CNBD1: variants seen among roughly 807,000 people sequenced by gnomAD.
CNBD1 encodes cyclic nucleotide-binding domain-containing protein 1.
Under a neutral mutation model 54.4 loss-of-function variants are expected in CNBD1, and 71 were observed. That is an observed-to-expected ratio of 1.30 (90% CI 1.08 to 1.59). CNBD1 has a LOEUF of 1.59. Among genes scored for constraint, CNBD1 ranks in the 40% most tolerant of loss-of-function variants. The pLI, the probability that CNBD1 is intolerant of heterozygous loss-of-function variation, is 0.00. For synonymous variants in CNBD1, 182 were observed against 170.7 expected (o/e 1.07, Z -0.51); for missense variants, 659 against 518.0 (o/e 1.27, Z -2.64).
intron 4 of CNBD1, 65 bp from the exon 5 acceptor site, chr8:87,205,928 G>T: frequency 8.1e-7 from 1 of 1,233,384 alleles, no homozygotes; most frequent in South Asian, 2.3e-5. Flanking sequence ...TAAAAATTAA[G>T]GATCTGTTTG....
intron 4 of CNBD1, among the ~76,000 whole-genome samples, chr8:87,183,839 C>A (rs1476399028): frequency 6.6e-6 from 1 of 152,156 alleles, no homozygotes; most frequent in Non-Finnish European, 1.5e-5. Flanking sequence ...ATGCTCTAAC[C>A]CTGGGGGCAC....
At chr8:87,070,898 T>A (rs1252900006) in intron 4 of CNBD1, among the ~76,000 whole-genome samples, 1 of 152,116 alleles carries the variant, frequency 6.6e-6, no homozygotes. Context: ...AGCACATCCC[T>A]AGTTTTTATT....
At chr8:87,238,242 G>A (rs1190486333) in intron 6 of CNBD1, among the ~76,000 whole-genome samples, 1 of 152,064 alleles carries the variant, frequency 6.6e-6, no homozygotes, top group Non-Finnish European at 1.5e-5. Flanking sequence ...GTAGAGAGAA[G>A]TTTCAGAGGC....
chr8:86,921,552 T>G (rs1342239780), intron 3 of CNBD1, among the ~76,000 whole-genome samples: 1 of 152,192 alleles, frequency 6.6e-6, no homozygotes, highest in Non-Finnish European at 1.5e-5. Context: ...GGAGGCCTCA[T>G]GATCATGGTG....
At chr8:87,201,216 A>G (rs1030959456) in intron 4 of CNBD1, among the ~76,000 whole-genome samples, 1 of 152,192 alleles carries the variant, frequency 6.6e-6, no homozygotes, top group East Asian at 1.9e-4. Flanking sequence ...AGTACTCAAC[A>G]TAATAAGAAC....
Position 87,388,771 on chromosome 8 carries a change from T to C in CNBD1, c.213+34985T>C, listed in dbSNP as rs148541032. ...TTTTATGAGGCCTACATTATCCTGA[T>C]ACCAAAGCCGGGCAGAGACACAACA... On this transcript the variant is annotated intron_variant, in intron 2 of 7. Coordinates refer to the CNBD1 transcript ENST00000521593. Among the ~76,000 whole-genome samples, 460 of 152,300 alleles carry C rather than the reference T, an allele frequency of 3.0e-3. 5 individuals are homozygous for C. Among genetic ancestry groups the C allele is most frequent in the African/African-American group, 9.9e-3 (413 of 41,564 alleles).
At chr8:87,179,407 T>C (rs1415486199) in intron 4 of CNBD1, among the ~76,000 whole-genome samples, 3 of 152,170 alleles carry the variant, frequency 2.0e-5, no homozygotes. Context: ...TTATTTTAAA[T>C]GGCTGTCTAA....
chr8:86,920,414 C>A (rs370632094), intron 3 of CNBD1, among the ~76,000 whole-genome samples: 10 of 152,238 alleles, frequency 6.6e-5, no homozygotes, highest in South Asian at 6.2e-4. Context: ...TTTGTAAAAT[C>A]ATTTTCTCTT....
intron 4 of CNBD1, among the ~76,000 whole-genome samples, chr8:87,127,119 T>C (rs1195568545): frequency 6.6e-6 from 1 of 152,006 alleles, no homozygotes; most frequent in Non-Finnish European, 1.5e-5. Context: ...GCTCTTATTT[T>C]TCAAAATCAT....
At chr8:87,172,641 C>G (rs570738872) in intron 4 of CNBD1, among the ~76,000 whole-genome samples, 1 of 151,972 alleles carries the variant, frequency 6.6e-6, no homozygotes, top group East Asian at 1.9e-4. Flanking sequence ...TTCTTTGTCT[C>G]TTGTATTTTT....
intron 4 of CNBD1, among the ~76,000 whole-genome samples, chr8:87,028,706 G>T (rs1374211554): frequency 6.6e-6 from 1 of 152,202 alleles, no homozygotes; most frequent in African/African-American, 2.4e-5. Context: ...TCATTGTCTG[G>T]ATGTGGTGAT....
intron 4 of CNBD1, among the ~76,000 whole-genome samples, chr8:86,983,652 T>C (rs1352279420): frequency 6.6e-6 from 1 of 152,162 alleles, no homozygotes; most frequent in African/African-American, 2.4e-5. Context: ...AAGACAACTC[T>C]TGTTATGTTT....
At chr8:87,173,528 T>C (rs1488035960) in intron 4 of CNBD1, among the ~76,000 whole-genome samples, 1 of 152,228 alleles carries the variant, frequency 6.6e-6, no homozygotes, top group African/African-American at 2.4e-5. Flanking sequence ...TTCTCTGTCA[T>C]GTTTGAAGGA....
chr8:87,266,538 G>A (rs944409760), intron 6 of CNBD1, among the ~76,000 whole-genome samples: 5 of 120,910 alleles, frequency 4.1e-5, no homozygotes, highest in East Asian at 5.8e-4. Flanking sequence ...TGCAACCTCC[G>A]CCTCCCAGGT....
chr8:87,361,303 A>T (rs1303191302), intron 10 of CNBD1, among the ~76,000 whole-genome samples: 7 of 151,948 alleles, frequency 4.6e-5, no homozygotes, highest in Admixed American at 4.6e-4. Flanking sequence ...GGAAAAAATA[A>T]TATTTTATTT....
intron 5 of CNBD1, among the ~76,000 whole-genome samples, chr8:87,215,157 T>C (rs1025151486): frequency 6.6e-6 from 1 of 152,100 alleles, no homozygotes; most frequent in Admixed American, 6.6e-5. Flanking sequence ...GTGAAAAAAG[T>C]GATGAACTAC....
chr8:86,991,914 C>A (rs1808758193), intron 4 of CNBD1, among the ~76,000 whole-genome samples: 1 of 152,054 alleles, frequency 6.6e-6, no homozygotes, highest in Non-Finnish European at 1.5e-5. Context: ...TTTATTGAGA[C>A]TTGCTTTATG....
chr8:87,390,534 T>C (rs1370708474), intron 2 of CNBD1, among the ~76,000 whole-genome samples: 6 of 152,036 alleles, frequency 3.9e-5, no homozygotes, highest in Admixed American at 2.0e-4. Context: ...ATCAAAACCA[T>C]AGTGCGATAT....
At chr8:87,424,273 C>T (rs1402125073) in intron 2 of CNBD1, among the ~76,000 whole-genome samples, 1 of 151,928 alleles carries the variant, frequency 6.6e-6, no homozygotes, top group African/African-American at 2.4e-5. Flanking sequence ...GTCTCTATTT[C>T]CTTCAGTTCT....
Sources: allele counts gnomAD v4.1 joint callset (sites outside exome capture counted in the v4.1 genomes callset), GRCh38; gene constraint gnomAD v4.1.1; transcripts MANE v1.5; gene names NCBI Gene and HGNC (gene_info 2026-07-23, HGNC 2026-07-21).